The following NHS variants were observed in gnomAD, a reference collection of about 807,000 sequenced individuals.
NHS encodes actin remodeling regulator NHS.
In NHS, 5 loss-of-function variants were observed where a neutral mutation model predicts 72.5. The ratio of observed to expected loss-of-function variants is 0.07; its 90% CI spans 0.04 to 0.14. NHS has a LOEUF of 0.14. Among genes scored for constraint, NHS ranks in the 10% least tolerant of loss-of-function variants. NHS has a pLI of 1.00. For synonymous variants in NHS, 464 were observed against 547.7 expected (o/e 0.85, Z 2.13); for missense variants, 1,072 against 1,355.7 (o/e 0.79, Z 3.29).
At chrX:17,538,414 C>A (rs988757101) in intron 1 of NHS, among the ~76,000 whole-genome samples, 1 of 111,664 alleles carries the variant, frequency 9.0e-6, no homozygotes, top group Non-Finnish European at 1.9e-5. Context: ...CATAGGTGCA[C>A]TAAAGAGTAG....
intron 1 of NHS, among the ~76,000 whole-genome samples, chrX:17,460,723 T>C (rs773403670): frequency 8.9e-6 from 1 of 112,497 alleles, no homozygotes; most frequent in Non-Finnish European, 1.9e-5. Context: ...CTTCTTTCAC[T>C]GAGAGTAATG....
intron 1 of NHS, among the ~76,000 whole-genome samples, chrX:17,420,533 TCC>T (rs1242943263): frequency 3.6e-5 from 4 of 111,099 alleles, no homozygotes. Context: ...CATTCACCCA[TCC>T]ACCAGTCCAC....
At chrX:17,606,078 T>A (rs112672822) in intron 1 of NHS, among the ~76,000 whole-genome samples, 3 of 112,285 alleles carry the variant, frequency 2.7e-5, no homozygotes, top group African/African-American at 9.7e-5. Context: ...CTTTAGTTGT[T>A]TACAAGACAT....
chrX:17,642,633 C>G (rs750446228), intron 1 of NHS, among the ~76,000 whole-genome samples: 1 of 111,570 alleles, frequency 9.0e-6, no homozygotes, highest in East Asian at 2.8e-4. Flanking sequence ...TTTTTTTAAC[C>G]CCGCTCCATT....
intron 1 of NHS, among the ~76,000 whole-genome samples, chrX:17,675,984 T>C (rs1018721750): frequency 2.7e-5 from 3 of 111,317 alleles, no homozygotes; most frequent in Non-Finnish European, 5.7e-5. Context: ...CCATCATCAC[T>C]TATGCTCTCT....
chrX:17,677,877 A>G (rs1454666916), intron 1 of NHS, among the ~76,000 whole-genome samples: 1 of 111,850 alleles, frequency 8.9e-6, no homozygotes, highest in Admixed American at 9.5e-5. Flanking sequence ...GCACAATCTC[A>G]GCTCACTGCA....
chrX:17,728,651 T>C lies in NHS; in HGVS notation c.4225T>C (p.Ser1409Pro), dbSNP rs147844709. 11 of 1,208,691 alleles carry C rather than the reference T, an allele frequency of 9.1e-6. No homozygotes were observed. In the African/African-American group the frequency reaches 1.9e-4, roughly 21 times the overall value. Residue 1409 changes from serine to proline, a missense_variant and splice_region_variant, in exon 8 of 9, where the codon TCA becomes CCA. Ser to Pro is a moderately conservative substitution (Grantham distance 74). Transcript: ENST00000676302. ...GNVDEASLKE[S>P]SPSDDSIISP... ...GATTCTTCTGTTCTTATTTTAAGAA[T>C]CATCACCGAGTGATGACTCCATCAT...
rs1480558608 is a variant in NHS at position 17,390,972 on chromosome X, T to G, written c.565+14650T>G. ...GAATATTGGCTTGTAAATGTAAAAT[T>G]GAAGCCCTTCTGGGTTTTCTTGATT... is the stretch of plus-strand genomic sequence containing the variant. On this transcript the variant is annotated intron_variant, in intron 1 of 8. Coordinates refer to ENST00000676302, the MANE Select transcript of NHS (RefSeq NM_001291867.2). 8.0e-5 allele frequency among the ~76,000 whole-genome samples: 9 copies of G among 112,173 alleles called. No homozygotes were observed. The Admixed American group carries it at 8.5e-4, about 11-fold the overall frequency.
chrX:17,458,525 C>T (rs1277620956), intron 1 of NHS, among the ~76,000 whole-genome samples: 1 of 110,797 alleles, frequency 9.0e-6, no homozygotes, highest in East Asian at 2.8e-4. Flanking sequence ...GGGAGTCTCA[C>T]TCTGTTGCCC....
At chrX:17,526,664 CAACT>C (rs1569272912) in intron 1 of NHS, among the ~76,000 whole-genome samples, 1 of 111,846 alleles carries the variant, frequency 8.9e-6, no homozygotes, top group South Asian at 3.8e-4. Flanking sequence ...GCAGAGAGAT[CAACT>C]AATACGTGAC....
At position 17,435,534 on chromosome X, in the gene NHS, A is replaced by G. The variant is rs760078196; in HGVS notation, c.565+59212A>G. ...GAGGTTCTGCCTGCGGGCTCTAATT[A>G]TCTCCTCCCCTGCCCTTGGTGATTT... On this transcript the variant is annotated intron_variant, in intron 1 of 8. Transcript: ENST00000676302. 4.5e-5 allele frequency among the ~76,000 whole-genome samples: 5 copies of G among 112,276 alleles called. No individual in the cohort carries two copies. The East Asian group carries it at 8.5e-4, about 19-fold the overall frequency.
rs1338532512 is a variant in NHS at position 17,731,948 on chromosome X, C to T, written c.4440C>T (p.Ser1480=). ...CTCCCCTCAGCAGTAGCAGCAGCAGCGCCAGTTCCATCACTTCACCCAGCA... is the reference window on the plus strand; with the variant it reads ...CTCCCCTCAGCAGTAGCAGCAGCAGTGCCAGTTCCATCACTTCACCCAGCA... ...SRAPLSSSSS[S]ASSITSPSSN... The change falls in exon 9 of 9, where the codon AGC becomes AGT. Residue 1480 remains serine, a synonymous_variant. Coordinates refer to ENST00000676302, the MANE Select transcript of NHS (RefSeq NM_001291867.2). The T allele has an allele frequency of 1.7e-6, 2 of 1,209,781 alleles. No homozygotes were observed. The highest frequency in any genetic ancestry group is 3.0e-5 in the East Asian group (1 of 33,764).
chrX:17,396,462 T>C (rs1435097495), intron 1 of NHS, among the ~76,000 whole-genome samples: 1 of 111,584 alleles, frequency 9.0e-6, no homozygotes, highest in African/African-American at 3.3e-5. Context: ...GATCTCCTAA[T>C]GAGCCACAAA....
chrX:17,478,624 T>C (rs1005136851), intron 1 of NHS, among the ~76,000 whole-genome samples: 5 of 111,956 alleles, frequency 4.5e-5, no homozygotes, highest in African/African-American at 1.6e-4. Flanking sequence ...ACCTTGAAAT[T>C]TAAGGTGAGT....
At chrX:17,576,650 C>T (rs778095425) in intron 1 of NHS, among the ~76,000 whole-genome samples, 11 of 112,169 alleles carry the variant, frequency 9.8e-5, no homozygotes, top group Non-Finnish European at 1.7e-4. Context: ...AGATGTGAAA[C>T]GCACAGGCTC....
At chrX:17,469,379 C>T (rs760370950) in intron 1 of NHS, among the ~76,000 whole-genome samples, 3 of 112,149 alleles carry the variant, frequency 2.7e-5, no homozygotes, top group Non-Finnish European at 3.8e-5. Flanking sequence ...TCATAAATCT[C>T]GTTTTGCTTT....
intron 3 of NHS, chrX:17,705,552 A>G (rs1043780631): frequency 4.4e-5 from 5 of 112,574 alleles, no homozygotes; most frequent in African/African-American, 1.6e-4. Flanking sequence ...CAAATCATAT[A>G]ATTAAAAACC....
chrX:17,695,942 AG>A (rs558791023), intron 3 of NHS, among the ~76,000 whole-genome samples: 15,212 of 93,043 alleles, frequency 0.16, 2,626 homozygotes, highest in African/African-American at 0.5. Flanking sequence ...AAAAAAAAAA[AG>A]GGGGGGGGTA....
chrX:17,687,655 T>C (rs2066170842), intron 1 of NHS, 87 bp from the exon 2 acceptor site: 1 of 1,062,406 alleles, frequency 9.4e-7, no homozygotes, highest in Admixed American at 2.2e-5. Context: ...ACCCAGACTT[T>C]ACTCCTGTCC....
Sources: gnomAD v4.1 joint callset for allele counts (sites outside exome capture counted in the v4.1 genomes callset) on GRCh38, gnomAD v4.1.1 for gene constraint, MANE v1.5 for transcripts, NCBI Gene and HGNC (gene_info 2026-07-23, HGNC 2026-07-21) for gene names.